Variants in LRP6 observed in about 807,000 individuals in gnomAD.
LRP6 encodes the protein low-density lipoprotein receptor-related protein 6.
In LRP6, 43 loss-of-function variants were observed where a neutral mutation model predicts 184.1. That is an observed-to-expected ratio of 0.23 (90% CI 0.18 to 0.30). The LOEUF (loss-of-function observed/expected upper bound fraction) is 0.30, where lower values mean the gene tolerates loss of function less well. Among genes scored for constraint, LRP6 ranks in the 10% least tolerant of loss-of-function variants. The pLI is 1.00. For synonymous variants in LRP6, 719 were observed against 684.9 expected (o/e 1.05, Z -0.78); for missense variants, 1,571 against 2,005.3 (o/e 0.78, Z 4.14).
intron 3 of LRP6, among the ~76,000 whole-genome samples, chr12:12,202,790 T>G (rs1231826751): frequency 6.6e-6 from 1 of 152,212 alleles, no homozygotes; most frequent in South Asian, 2.1e-4. Context: ...GGACACTCTT[T>G]GTTGTACTGA....
intron 1 of LRP6, among the ~76,000 whole-genome samples, chr12:12,246,301 C>G (rs1193648875): frequency 2.0e-5 from 3 of 151,944 alleles, no homozygotes; most frequent in African/African-American, 7.2e-5. Context: ...GCCACTGCGC[C>G]CGGCCCCAAT....
intron 2 of LRP6, among the ~76,000 whole-genome samples, chr12:12,209,820 T>C (rs1565653256): frequency 6.6e-6 from 1 of 152,162 alleles, no homozygotes. Flanking sequence ...CTATTGCCCT[T>C]ACGAAATTCG....
rs1949876689 is a variant in LRP6 at position 12,138,384 on chromosome 12, G to GTA, written c.3547_3548insTA (p.Ala1183ValfsTer13). On this transcript the variant is annotated frameshift_variant, in exon 16 of 23. Coordinates refer to ENST00000261349, the MANE Select transcript of LRP6 (RefSeq NM_002336.3). LOFTEE classifies it high-confidence loss of function. ...AATGTCACTAAGCTGGGCAATTCGA[G>GTA]CTTGGACTTTGGTTCTACCCTCTCG... is the stretch of plus-strand genomic sequence containing the variant. 6.2e-7 allele frequency: 1 copy of GTA among 1,613,988 alleles called. No individual in the cohort carries two copies.
intron 19 of LRP6, among the ~76,000 whole-genome samples, chr12:12,127,248 CAG>C (rs1417030516): frequency 3.3e-5 from 5 of 152,192 alleles, no homozygotes; most frequent in Admixed American, 6.5e-5. Context: ...AATAAATAAA[CAG>C]ATAAAATCCA....
intron 19 of LRP6, among the ~76,000 whole-genome samples, chr12:12,128,904 G>A (rs185123243): frequency 1.3e-4 from 20 of 152,052 alleles, no homozygotes; most frequent in Non-Finnish European, 2.8e-4. Context: ...TCCGAAATCT[G>A]TTCTCTCCCT....
intron 2 of LRP6, among the ~76,000 whole-genome samples, chr12:12,229,182 C>A (rs1394938541): frequency 6.6e-6 from 1 of 152,030 alleles, no homozygotes; most frequent in African/African-American, 2.4e-5. Context: ...ACCAGCCTGA[C>A]CAACATGGAG....
chr12:12,154,974 T>C (rs1227792138), intron 12 of LRP6, among the ~76,000 whole-genome samples: 2 of 152,152 alleles, frequency 1.3e-5, no homozygotes, highest in African/African-American at 4.8e-5. Flanking sequence ...GGCTGGTGGA[T>C]CACCTGAGGT....
In LRP6 at chr12:12,227,113, T is replaced by C. The variant is rs1489408150; in HGVS notation, c.449+17149A>G. On this transcript the variant is annotated intron_variant, in intron 2 of 22. Coordinates refer to ENST00000261349, the MANE Select transcript of LRP6 (RefSeq NM_002336.3). ...TATCCTCATAAACCATACAAGCAAATAGAGAATAGAGCGAAATATTTTAAA... is the reference window on the plus strand; with the variant it reads ...TATCCTCATAAACCATACAAGCAAACAGAGAATAGAGCGAAATATTTTAAA... Among the ~76,000 whole-genome samples, 3 of 151,966 alleles carry C rather than the reference T, an allele frequency of 2.0e-5. No homozygotes were observed. In the East Asian group the frequency reaches 5.8e-4, roughly 29 times the overall value.
At chr12:12,184,782 G>A (rs1863428917) in intron 4 of LRP6, among the ~76,000 whole-genome samples, 1 of 152,078 alleles carries the variant, frequency 6.6e-6, no homozygotes, top group Admixed American at 6.6e-5. Context: ...GATTAACATA[G>A]AAGGGATAAG....
chr12:12,220,948 G>C (rs1265900727), intron 2 of LRP6, among the ~76,000 whole-genome samples: 13 of 152,156 alleles, frequency 8.5e-5, no homozygotes, highest in Admixed American at 8.5e-4. Flanking sequence ...TCACTTTAAA[G>C]TTCAGATAAA....
intron 2 of LRP6, among the ~76,000 whole-genome samples, chr12:12,216,688 T>G (rs537203285): frequency 1.3e-5 from 2 of 151,452 alleles, no homozygotes; most frequent in Non-Finnish European, 2.9e-5. Context: ...AAAGCTTTGT[T>G]AAAGGTTGTT....
rs1255410531 is a variant in LRP6 at position 12,120,026 on chromosome 12, TATATATATATATATATAA to T, written c.*1082_*1099del. 1 of 114,762 alleles carries T rather than the reference TATATATATATATATATAA, an allele frequency of 8.7e-6. No individual in the cohort carries two copies. The highest frequency in any genetic ancestry group is 1.9e-5 in the Non-Finnish European group (1 of 52,568). The allele number at this position is 114,762 out of a possible 1,614,324, so 7.1% of individuals were successfully genotyped here. A position where few individuals can be genotyped will look rare whatever the true frequency, so the allele number is the denominator to read the frequency against. On this transcript the variant is annotated 3_prime_UTR_variant, in exon 23 of 23. Coordinates refer to ENST00000261349, the MANE Select transcript of LRP6 (RefSeq NM_002336.3). ...ATATATATATATATATATATATATA[TATATATATATATATATAA>T]ATGATTTCGTACTGTGATATATGCT...
chr12:12,147,613 G>A (rs1950028573), intron 14 of LRP6, 57 bp from the exon 15 acceptor site: 6 of 1,308,648 alleles, frequency 4.6e-6, no homozygotes, highest in African/African-American at 1.5e-5. Flanking sequence ...CATAAAATGA[G>A]GATATTCTTA....
chr12:12,205,375 T>C (rs1864032183), intron 2 of LRP6, among the ~76,000 whole-genome samples: 1 of 142,680 alleles, frequency 7.0e-6, no homozygotes, highest in African/African-American at 2.6e-5. Flanking sequence ...GAGGGTGCTA[T>C]GAAACAGATC....
intron 18 of LRP6, among the ~76,000 whole-genome samples, chr12:12,131,096 C>CTTTTTT (rs1949746766): frequency 1.9e-5 from 2 of 105,346 alleles, no homozygotes; most frequent in African/African-American, 6.8e-5. Flanking sequence ...AATTTCCTAA[C>CTTTTTT]ATTTTTTTTT....
chr12:12,222,166 T>C (rs1864505841), intron 2 of LRP6, among the ~76,000 whole-genome samples: 1 of 152,168 alleles, frequency 6.6e-6, no homozygotes, highest in African/African-American at 2.4e-5. Context: ...TAAGTAAAAA[T>C]ACACACATCT....
At chr12:12,206,473 G>A (rs986056494) in intron 2 of LRP6, among the ~76,000 whole-genome samples, 3 of 150,690 alleles carry the variant, frequency 2.0e-5, no homozygotes, top group African/African-American at 2.4e-5. Context: ...AACCCGGGAC[G>A]CGGAGCTTGC....
At chr12:12,233,023 A>C (rs1304915387) in intron 2 of LRP6, among the ~76,000 whole-genome samples, 1 of 152,222 alleles carries the variant, frequency 6.6e-6, no homozygotes, top group African/African-American at 2.4e-5. Flanking sequence ...AATATAGGAC[A>C]ACTTCTGATG....
chr12:12,218,275 C>A (rs1864398547), intron 2 of LRP6, among the ~76,000 whole-genome samples: 1 of 152,028 alleles, frequency 6.6e-6, no homozygotes, highest in Non-Finnish European at 1.5e-5. Context: ...GAGTTCAAGA[C>A]CAGCCTGGGC....
Sources: gnomAD v4.1 joint callset for allele counts (sites outside exome capture counted in the v4.1 genomes callset) on GRCh38, gnomAD v4.1.1 for gene constraint, MANE v1.5 for transcripts, NCBI Gene and HGNC (gene_info 2026-07-23, HGNC 2026-07-21) for gene names.